The following CDC7 variants were observed in gnomAD, a reference collection of about 807,000 sequenced individuals.
CDC7 encodes cell division cycle 7-related protein kinase.
Under a neutral mutation model 53.5 loss-of-function variants are expected in CDC7, and 34 were observed. The observed-to-expected ratio is 0.64, with a 90% CI of 0.48 to 0.85. The LOEUF (loss-of-function observed/expected upper bound fraction) is 0.85, where lower values mean the gene tolerates loss of function less well. Ranked by LOEUF, CDC7 falls within the 40% of genes least tolerant of loss-of-function variation. The pLI, the probability that CDC7 is intolerant of heterozygous loss-of-function variation, is 0.00. For missense variants in CDC7, 594 were observed against 679.7 expected, an observed-to-expected ratio of 0.87 and a Z score of 1.40; for synonymous variants, 211 against 222.8, an observed-to-expected ratio of 0.95 and a Z score of 0.47.
chr1:91,522,488 A>G (rs1361255746), intron 11 of CDC7, among the ~76,000 whole-genome samples: 1 of 152,212 alleles, frequency 6.6e-6, no homozygotes, highest in Admixed American at 6.5e-5. Flanking sequence ...GACACATAGT[A>G]GTCTGTAATA....
Position 91,513,970 on chromosome 1 carries a change from T to C in CDC7, c.845T>C (p.Val282Ala), listed in dbSNP as rs1667421307. The C allele has an allele frequency of 6.2e-7, 1 of 1,612,164 alleles. No homozygotes were observed. The highest frequency in any genetic ancestry group is 1.1e-5 in the South Asian group (1 of 91,046). ...TAGGAGGGATCTGTAGGCCTTTCTG[T>C]CCAGCGCTCTGTTTTTGGAGAAAGA... is the stretch of plus-strand genomic sequence containing the variant. ...DGKEGSVGLS[V>A]QRSVFGERNF... Residue 282 changes from valine (V) to alanine (A), a missense_variant, in exon 8 of 12, where the codon GTC becomes GCC. Physicochemically the swap from Val to Ala is moderately conservative, Grantham distance 64. Coordinates refer to ENST00000234626, the MANE Select transcript of CDC7 (RefSeq NM_003503.4).
intron 6 of CDC7, among the ~76,000 whole-genome samples, chr1:91,512,756 G>T (rs1313753103): frequency 6.6e-6 from 1 of 151,852 alleles, no homozygotes; most frequent in Non-Finnish European, 1.5e-5. Context: ...TGCCATCTCT[G>T]CCACCATCAG....
At chr1:91,504,081 T>G (rs1666850350) in intron 2 of CDC7, among the ~76,000 whole-genome samples, 1 of 151,976 alleles carries the variant, frequency 6.6e-6, no homozygotes. Flanking sequence ...GGTCAAATGT[T>G]TATTCTTTCA....
chr1:91,524,152 G>A lies in CDC7; in HGVS notation c.1442G>A (p.Gly481Glu). The A allele has an allele frequency of 6.2e-7, 1 of 1,613,938 alleles. No individual in the cohort carries two copies. The highest frequency in any genetic ancestry group is 8.5e-7 in the Non-Finnish European group (1 of 1,179,956). The change falls in exon 12 of 12, where the codon GGG becomes GAG. Residue 481 changes from glycine to glutamate, a missense_variant. Gly to Glu is a moderately conservative substitution (Grantham distance 98). Transcript: ENST00000234626. ...STPKLTSDIQ[G>E]HASHQPAISE... ...CCCAAGTTAACAAGTGATATACAAG[G>A]GCATGCTTCTCATCAACCAGCTATT...
Position 91,513,975 on chromosome 1 carries a change from C to G in CDC7, c.850C>G (p.Arg284Gly), listed in dbSNP as rs769620136. Residue 284 changes from arginine to glycine, a missense_variant, in exon 8 of 12, where the codon CGC becomes GGC. Coordinates refer to ENST00000234626, the MANE Select transcript of CDC7 (RefSeq NM_003503.4). ...KEGSVGLSVQ[R>G]SVFGERNFNI... ...GGGATCTGTAGGCCTTTCTGTCCAG[C>G]GCTCTGTTTTTGGAGAAAGAAATTT... is the stretch of plus-strand genomic sequence containing the variant. 2 of 1,611,884 alleles carry G rather than the reference C, an allele frequency of 1.2e-6. No individual in the cohort carries two copies. The highest frequency in any genetic ancestry group is 2.7e-5 in the African/African-American group (2 of 74,796).
chr1:91,504,119 T>C (rs75423343), intron 2 of CDC7, among the ~76,000 whole-genome samples: 1 of 151,688 alleles, frequency 6.6e-6, no homozygotes, highest in African/African-American at 2.4e-5. Context: ...TTTTTTTTTT[T>C]TTGAGACATG....
intron 1 of CDC7, chr1:91,501,206 C>G (rs1280362127): frequency 6.5e-6 from 1 of 153,210 alleles, no homozygotes; most frequent in African/African-American, 2.4e-5. Flanking sequence ...CCTTCTCCTC[C>G]TCCGCCCAGT....
chr1:91,519,256 C>CAAAAAAAA (rs71087957), intron 10 of CDC7, among the ~76,000 whole-genome samples: 8 of 60,172 alleles, frequency 1.3e-4, no homozygotes, highest in East Asian at 1.1e-3. Context: ...ACTAAAAATA[C>CAAAAAAAA]AAAAAAAAAA....
At chr1:91,506,383 G>A (rs756076975) in intron 2 of CDC7, among the ~76,000 whole-genome samples, 2 of 151,568 alleles carry the variant, frequency 1.3e-5, no homozygotes, top group Non-Finnish European at 2.9e-5. Context: ...CTTTACAGAC[G>A]TAGTTAATTT....
At chr1:91,506,340 A>T (rs941437009) in intron 2 of CDC7, among the ~76,000 whole-genome samples, 8 of 151,022 alleles carry the variant, frequency 5.3e-5, no homozygotes, top group African/African-American at 1.9e-4. Context: ...CCCTACCCTA[A>T]TCATCCAAGC....
intron 4 of CDC7, 112 bp from the exon 5 acceptor site, chr1:91,511,485 A>G: frequency 1.6e-6 from 1 of 623,008 alleles, no homozygotes; most frequent in Non-Finnish European, 2.9e-6. Context: ...GATTTAAGTC[A>G]GTTTTCTAGC....
In CDC7 at chr1:91,518,093, CAAAAAAAAAAAA is replaced by C. The variant is rs55787737; in HGVS notation, c.1181-2025_1181-2014del. ...TGAGCAACAGAGTGAGACTCAGTCTCAAAAAAAAAAAAAAAAAAAAAAAGGTGATACAGTAGC... is the reference window on the plus strand; with the variant it reads ...TGAGCAACAGAGTGAGACTCAGTCTCAAAAAAAAAAAGGTGATACAGTAGC... On this transcript the variant is annotated intron_variant, in intron 10 of 11. Transcript: ENST00000234626. 1.0e-3 allele frequency among the ~76,000 whole-genome samples: 46 copies of C among 46,034 alleles called. 1 individual carries two copies. The highest frequency in any genetic ancestry group is 3.9e-3 in the African/African-American group (44 of 11,292). 30.2% of individuals were successfully genotyped at this position (46,034 alleles called of 152,430 possible). A position where few individuals can be genotyped will look rare whatever the true frequency, so the allele number is the denominator to read the frequency against.
At chr1:91,506,109 G>C (rs1217856719) in intron 2 of CDC7, among the ~76,000 whole-genome samples, 1 of 152,128 alleles carries the variant, frequency 6.6e-6, no homozygotes, top group Non-Finnish European at 1.5e-5. Context: ...CTGGGCTCAA[G>C]GTATCCTTCT....
At chr1:91,511,408 A>G (rs1667280090) in intron 4 of CDC7, among the ~76,000 whole-genome samples, 189 bp from the exon 5 acceptor site, 1 of 152,050 alleles carries the variant, frequency 6.6e-6, no homozygotes, top group South Asian at 2.1e-4. Flanking sequence ...AACTGGTGCC[A>G]TTTTTGTTTT....
intron 8 of CDC7, 118 bp downstream of exon 8, chr1:91,514,161 G>A: frequency 1.7e-6 from 1 of 590,850 alleles, no homozygotes; most frequent in Non-Finnish European, 2.9e-6. Context: ...TTTGGCTTTG[G>A]CAGAAGGTAT....
chr1:91,514,760 A>AT (rs1667468651), intron 8 of CDC7, 59 bp from the exon 9 acceptor site: 1 of 1,348,260 alleles, frequency 7.4e-7, no homozygotes, highest in Non-Finnish European at 1.0e-6. Flanking sequence ...CCATACTAGC[A>AT]TTTTAGGACA....
At chr1:91,514,644 C>T (rs995598781) in intron 8 of CDC7, among the ~76,000 whole-genome samples, 175 bp from the exon 9 acceptor site, 3 of 152,102 alleles carry the variant, frequency 2.0e-5, no homozygotes, top group African/African-American at 7.2e-5. Flanking sequence ...GGTGACTTTA[C>T]AGAAAAACCC....
intron 11 of CDC7, among the ~76,000 whole-genome samples, chr1:91,520,888 T>G (rs1667904237): frequency 6.6e-6 from 1 of 152,206 alleles, no homozygotes; most frequent in Non-Finnish European, 1.5e-5. Flanking sequence ...TGTCATCTCC[T>G]TAGCCACGCA....
Position 91,525,010 on chromosome 1 carries a change from A to T in CDC7, c.*575A>T, listed in dbSNP as rs1668192345. 1 of 152,122 alleles carries T rather than the reference A, an allele frequency of 6.6e-6. No homozygotes were observed. Among genetic ancestry groups the T allele is most frequent in the Non-Finnish European group, 1.5e-5 (1 of 68,010 alleles). The allele number at this position is 152,122 out of a possible 1,614,324, so 9.4% of individuals were successfully genotyped here. On this transcript the variant is annotated 3_prime_UTR_variant, in exon 12 of 12. Transcript: ENST00000234626. ...AATTGAATTCATCCATTTTTAAAAA[A>T]CACTTCATGAAAGCATTCTGGTGTG...
Sources: allele counts gnomAD v4.1 joint callset (sites outside exome capture counted in the v4.1 genomes callset), GRCh38; gene constraint gnomAD v4.1.1; transcripts MANE v1.5; gene names NCBI Gene and HGNC (gene_info 2026-07-23, HGNC 2026-07-21).